The following COLEC11 variants were observed in gnomAD, a reference collection of about 807,000 sequenced individuals.
The protein encoded by COLEC11 is collectin-11.
In COLEC11, 20 loss-of-function variants were observed where a neutral mutation model predicts 27.3. The observed-to-expected ratio is 0.73, with a 90% CI of 0.51 to 1.06. COLEC11 has a LOEUF of 1.06. Ranked by LOEUF, COLEC11 falls within the 50% of genes least tolerant of loss-of-function variation. The pLI, the probability that COLEC11 is intolerant of heterozygous loss-of-function variation, is 0.00. For missense variants in COLEC11, 310 were observed against 383.0 expected (o/e 0.81, Z 1.59); for synonymous variants, 163 against 154.7 (o/e 1.05, Z -0.40).
chr2:3,627,051 C>T (rs1193900719), intron 3 of COLEC11, among the ~76,000 whole-genome samples: 1 of 152,156 alleles, frequency 6.6e-6, no homozygotes, highest in East Asian at 1.9e-4. Context: ...CTTTCTAGCT[C>T]GTTGCAGCGG....
Position 3,637,511 on chromosome 2 carries a change from TTGCTC to T in COLEC11, c.203-20_203-16del. The T allele has an allele frequency of 6.2e-7, 1 of 1,611,200 alleles. No individual in the cohort carries two copies. Among genetic ancestry groups the T allele is most frequent in the Non-Finnish European group, 8.5e-7 (1 of 1,177,384 alleles). On this transcript the variant is annotated splice_polypyrimidine_tract_variant and intron_variant, in intron 3 of 6. Transcript: ENST00000349077. ...GGTGTCACCTGTGCATCGACCAACT[TTGCTC>T]TTATTGTTTTCTACAGGAGACATGG...
Position 3,637,591 on chromosome 2 carries a change from C to T in COLEC11, c.261C>T (p.Pro87=), listed in dbSNP as rs867362346. 1 of 1,613,964 alleles carries T rather than the reference C, an allele frequency of 6.2e-7. No individual in the cohort carries two copies. The highest frequency in any genetic ancestry group is 8.5e-7 in the Non-Finnish European group (1 of 1,179,850). ...GSVGRHGKIG[P]IGSKGEKGDS... is the part of the protein sequence containing the mutation. ...TGGGTCGTCATGGAAAAATTGGTCCCATTGGCTCTAAAGGTATTTGCAATG... is the reference window on the plus strand; with the variant it reads ...TGGGTCGTCATGGAAAAATTGGTCCTATTGGCTCTAAAGGTATTTGCAATG... The change falls in exon 4 of 7, where the codon CCC becomes CCT. Residue 87 remains proline (P), a synonymous_variant. Transcript: ENST00000349077.
intron 1 of COLEC11, chr2:3,603,452 G>T: frequency 1.7e-6 from 1 of 585,746 alleles, no homozygotes; most frequent in Non-Finnish European, 3.1e-6. Context: ...AAGTAGCTGG[G>T]ATTAGAGGTG....
At chr2:3,641,892 G>A (rs1197945052) in intron 5 of COLEC11, among the ~76,000 whole-genome samples, 1 of 152,210 alleles carries the variant, frequency 6.6e-6, no homozygotes, top group Non-Finnish European at 1.5e-5. Context: ...ACACCGCAGC[G>A]ATGGGGGTGG....
At chr2:3,603,300 C>A in intron 1 of COLEC11, 1 of 180,752 alleles carries the variant, frequency 5.5e-6, no homozygotes, top group Admixed American at 5.7e-5. Flanking sequence ...TCTTTGTTTT[C>A]CGAGTTTTAT....
At chr2:3,621,149 C>T (rs1318074744) in intron 3 of COLEC11, among the ~76,000 whole-genome samples, 2 of 152,178 alleles carry the variant, frequency 1.3e-5, no homozygotes, top group African/African-American at 4.8e-5. Flanking sequence ...TTAGTGTATT[C>T]TATCTGTTTG....
At chr2:3,626,282 G>A (rs1664546784) in intron 3 of COLEC11, among the ~76,000 whole-genome samples, 1 of 152,282 alleles carries the variant, frequency 6.6e-6, no homozygotes, top group Non-Finnish European at 1.5e-5. Flanking sequence ...CAGCTGAGCA[G>A]TGCAGAGACC....
intron 3 of COLEC11, among the ~76,000 whole-genome samples, chr2:3,632,383 C>T (rs1184572965): frequency 1.3e-5 from 2 of 152,194 alleles, no homozygotes; most frequent in Admixed American, 6.5e-5. Context: ...AGATGATTTC[C>T]TCCCGGCTGT....
chr2:3,642,326 C>T (rs1044768025), intron 5 of COLEC11, among the ~76,000 whole-genome samples: 2 of 152,134 alleles, frequency 1.3e-5, no homozygotes, highest in South Asian at 2.1e-4. Flanking sequence ...TGGTCACAGG[C>T]GTATGGGAAC....
rs575581533 is a variant in COLEC11, at chr2:3,632,855, A to G, written c.203-4678A>G. Among the ~76,000 whole-genome samples, 6 of 152,232 alleles carry G rather than the reference A, an allele frequency of 3.9e-5. No individual in the cohort carries two copies. The East Asian group carries it at 1.2e-3, about 29-fold the overall frequency. On this transcript the variant is annotated intron_variant, in intron 3 of 6. Coordinates refer to ENST00000349077, the MANE Select transcript of COLEC11 (RefSeq NM_024027.5). ...GCGTCAGAGCACGGGAAAGAAAACCAAAGTCCCAGCCCTAGGAACGTCACC... is the reference window on the plus strand; with the variant it reads ...GCGTCAGAGCACGGGAAAGAAAACCGAAGTCCCAGCCCTAGGAACGTCACC...
intron 1 of COLEC11, among the ~76,000 whole-genome samples, chr2:3,598,031 G>A (rs1661976021): frequency 6.6e-6 from 1 of 152,110 alleles, no homozygotes; most frequent in Non-Finnish European, 1.5e-5. Flanking sequence ...CACCTCCCGG[G>A]TTCAAGCGAT....
rs1196252610 is a variant in COLEC11 at position 3,640,988 on chromosome 2, CCCACCCA to C, written c.328+661_328+667del. On this transcript the variant is annotated intron_variant, in intron 5 of 6. Coordinates refer to ENST00000349077, the MANE Select transcript of COLEC11 (RefSeq NM_024027.5). ...CACCATGTAGACCCCACGGTGGACACCCACCCACCATGTAGACCCCACGGTGGACACC... is the reference window on the plus strand; with the variant it reads ...CACCATGTAGACCCCACGGTGGACACCCATGTAGACCCCACGGTGGACACC... Among the ~76,000 whole-genome samples, 60 of 133,182 alleles carry C rather than the reference CCCACCCA, an allele frequency of 4.5e-4. 4 individuals are homozygous for C. Among genetic ancestry groups the C allele is most frequent in the African/African-American group, 1.5e-3 (53 of 34,370 alleles). 87.4% of individuals were successfully genotyped at this position (133,182 alleles called of 152,430 possible).
At chr2:3,600,938 C>T (rs954034083) in intron 1 of COLEC11, among the ~76,000 whole-genome samples, 1 of 152,212 alleles carries the variant, frequency 6.6e-6, no homozygotes, top group Non-Finnish European at 1.5e-5. Flanking sequence ...TGCCCGGCCC[C>T]GTGATGGCTG....
intron 3 of COLEC11, chr2:3,626,233 G>T: frequency 1.2e-6 from 1 of 812,272 alleles, no homozygotes; most frequent in East Asian, 2.4e-5. Context: ...GGTTTGCTGG[G>T]AGGGAGGAAT....
chr2:3,613,139 G>A (rs115240592), intron 2 of COLEC11, among the ~76,000 whole-genome samples, 172 bp from the exon 3 acceptor site: 1 of 152,132 alleles, frequency 6.6e-6, no homozygotes. Context: ...CAGAATCAGG[G>A]GCACCCAGAG....
chr2:3,622,912 C>T (rs1016360001), intron 3 of COLEC11, among the ~76,000 whole-genome samples: 3 of 152,174 alleles, frequency 2.0e-5, no homozygotes. Flanking sequence ...TAAATGTTTT[C>T]ATGTTACTAA....
intron 1 of COLEC11, among the ~76,000 whole-genome samples, chr2:3,600,481 G>C (rs1662138634): frequency 6.6e-6 from 1 of 152,194 alleles, no homozygotes; most frequent in African/African-American, 2.4e-5. Context: ...CCTGAGCCCA[G>C]GAAATTGAGG....
Position 3,643,965 on chromosome 2 carries a change from C to G in COLEC11, c.663C>G (p.Pro221=), listed in dbSNP as rs199962584. 3 of 1,614,188 alleles carry G rather than the reference C, an allele frequency of 1.9e-6. No individual in the cohort carries two copies. Among genetic ancestry groups the G allele is most frequent in the African/African-American group, 2.7e-5 (2 of 75,082 alleles). ...CCTTCGTGTACTCTGACCACTCCCC[C>G]ATGCGGACCTTCAACAAGTGGCGCA... ...EGAFVYSDHS[P]MRTFNKWRSG... is the part of the protein sequence containing the mutation. Residue 221 remains proline (P), a synonymous_variant, in exon 7 of 7, where the codon CCC becomes CCG. Coordinates refer to ENST00000349077, the MANE Select transcript of COLEC11 (RefSeq NM_024027.5).
intron 3 of COLEC11, among the ~76,000 whole-genome samples, chr2:3,629,343 G>A (rs1386443076): frequency 2.0e-5 from 3 of 152,142 alleles, no homozygotes; most frequent in Non-Finnish European, 4.4e-5. Context: ...ACACCAATAG[G>A]TCCCAGTGTG....
Sources: gnomAD v4.1 joint callset for allele counts (sites outside exome capture counted in the v4.1 genomes callset) on GRCh38, gnomAD v4.1.1 for gene constraint, MANE v1.5 for transcripts, NCBI Gene and HGNC (gene_info 2026-07-23, HGNC 2026-07-21) for gene names.